Variants in SNPH observed in about 807,000 individuals in gnomAD.
SNPH encodes syntaphilin.
A neutral mutation model predicts 36.8 loss-of-function variants in SNPH; 10 were observed. The ratio of observed to expected loss-of-function variants is 0.27; its 90% CI spans 0.17 to 0.46. The LOEUF (loss-of-function observed/expected upper bound fraction) is 0.46, where lower values mean the gene tolerates loss of function less well. Ranked by LOEUF, SNPH falls within the 20% of genes least tolerant of loss-of-function variation. The probability of loss-of-function intolerance (pLI) is 1.00; values close to 1 mark genes in which losing one functional copy is unlikely to be tolerated. For missense variants in SNPH, 622 were observed against 744.0 expected (o/e 0.84, Z 1.91); for synonymous variants, 281 against 312.2 (o/e 0.90, Z 1.05).
chr20:1,286,960 C>T (rs2088291041), intron 2 of SNPH, among the ~76,000 whole-genome samples: 1 of 152,084 alleles, frequency 6.6e-6, no homozygotes, highest in African/African-American at 2.4e-5. Flanking sequence ...AAGCACAGCA[C>T]ACACAGGGCA....
chr20:1,304,849 G>A lies in SNPH; in HGVS notation c.441-29G>A. On this transcript the variant is annotated intron_variant, in intron 6 of 6. Coordinates refer to ENST00000381867, the MANE Select transcript of SNPH (RefSeq NM_001318234.2). This position sits in a 1 kb window ranked among gnomAD's most constrained non-coding sequence, Gnocchi z 4.3. ...GTGACAGACCAGGCAGGCAGGCAGT[G>A]AGCGTGTGTGTGTCTCCTCGGCTCG... is the stretch of plus-strand genomic sequence containing the variant. 6.3e-7 allele frequency: 1 copy of A among 1,599,160 alleles called. No individual in the cohort carries two copies.
At chr20:1,277,907 G>T (rs1262793957) in intron 2 of SNPH, among the ~76,000 whole-genome samples, 2 of 147,950 alleles carry the variant, frequency 1.4e-5, no homozygotes, top group African/African-American at 5.1e-5. Flanking sequence ...ATGTATCTGT[G>T]TGTGTGTGTG....
In SNPH at chr20:1,303,089, A is replaced by G. The variant is rs1016532738; in HGVS notation, c.441-1789A>G. On this transcript the variant is annotated intron_variant, in intron 6 of 6. Coordinates refer to ENST00000381867, the MANE Select transcript of SNPH (RefSeq NM_001318234.2). ...CTGCCTGTTACTCCCACAGGAACCC[A>G]TTGCAGGTCTTTACATGAAATACTG... is the stretch of plus-strand genomic sequence containing the variant. Among the ~76,000 whole-genome samples, 4 of 152,184 alleles carry G rather than the reference A, an allele frequency of 2.6e-5. No individual in the cohort carries two copies. The East Asian group carries it at 5.8e-4, about 22-fold the overall frequency.
At chr20:1,288,796 A>G (rs569673514) in intron 2 of SNPH, among the ~76,000 whole-genome samples, 1 of 151,844 alleles carries the variant, frequency 6.6e-6, no homozygotes. Context: ...TAATTTTTCT[A>G]TTTTTAATAG....
intron 6 of SNPH, among the ~76,000 whole-genome samples, chr20:1,301,097 G>T (rs1420806718): frequency 2.0e-5 from 3 of 152,216 alleles, no homozygotes; most frequent in Admixed American, 6.5e-5. Flanking sequence ...TCTTTTGGGG[G>T]AGAAACAACT....
chr20:1,271,720 T>C (rs376896527), intron 2 of SNPH, among the ~76,000 whole-genome samples: 5 of 152,230 alleles, frequency 3.3e-5, no homozygotes, highest in Non-Finnish European at 5.9e-5. Flanking sequence ...ACAAATGCTT[T>C]GTGGATTTGC....
intron 2 of SNPH, among the ~76,000 whole-genome samples, chr20:1,281,007 G>A (rs1462691144): frequency 1.3e-5 from 2 of 152,170 alleles, no homozygotes; most frequent in Non-Finnish European, 2.9e-5. Flanking sequence ...GGTGGAGTGG[G>A]GGGTGTGTTT....
intron 2 of SNPH, among the ~76,000 whole-genome samples, chr20:1,280,655 CCCAAGTA>C (rs2088206236): frequency 6.6e-6 from 1 of 152,040 alleles, no homozygotes; most frequent in Non-Finnish European, 1.5e-5. Flanking sequence ...GTGTCCTGGC[CCCAAGTA>C]CCGTGGTCTC....
At chr20:1,297,004 G>GTC (rs2088444438) in intron 4 of SNPH, 141 bp from the exon 5 acceptor site, 15 of 1,401,704 alleles carry the variant, frequency 1.1e-5, no homozygotes, top group Admixed American at 2.9e-5. Flanking sequence ...CTGTCTGTGC[G>GTC]TCTCTCTCTC....
intron 2 of SNPH, among the ~76,000 whole-genome samples, chr20:1,288,385 T>G (rs1350629648): frequency 1.3e-5 from 2 of 151,662 alleles, no homozygotes; most frequent in Non-Finnish European, 2.9e-5. Context: ...CGAACAGAGG[T>G]CAAAGACCCA....
intron 5 of SNPH, among the ~76,000 whole-genome samples, chr20:1,300,137 G>A (rs1480590012): frequency 6.6e-6 from 1 of 152,188 alleles, no homozygotes; most frequent in African/African-American, 2.4e-5. Flanking sequence ...CCTGGGTTCT[G>A]GGGCACACTA....
intron 2 of SNPH, among the ~76,000 whole-genome samples, chr20:1,282,476 G>A (rs1346180769): frequency 6.6e-6 from 1 of 152,186 alleles, no homozygotes; most frequent in African/African-American, 2.4e-5. Flanking sequence ...GGCTATAACT[G>A]TGTAAACATA....
In SNPH at chr20:1,300,784, G is replaced by A. The variant is rs935612538; in HGVS notation, c.440+73G>A. 11 of 1,472,284 alleles carry A rather than the reference G, an allele frequency of 7.5e-6. No individual in the cohort carries two copies. In the African/African-American group the frequency reaches 1.5e-4, roughly 21 times the overall value. The allele number at this position is 1,472,284 out of a possible 1,614,324, so 91.2% of individuals were successfully genotyped here. A position where few individuals can be genotyped will look rare whatever the true frequency, so the allele number is the denominator to read the frequency against. ...CACTCAGGGAAACCAGGGCTCTGGG[G>A]TGCCTCTTGGAGGGAGGAGTGGCTG... On this transcript the variant is annotated intron_variant, in intron 6 of 6. Coordinates refer to ENST00000381867, the MANE Select transcript of SNPH (RefSeq NM_001318234.2).
intron 5 of SNPH, among the ~76,000 whole-genome samples, chr20:1,297,918 G>A (rs191788329): frequency 6.6e-6 from 1 of 152,332 alleles, no homozygotes; most frequent in East Asian, 1.9e-4. Context: ...TGGCAGAGGT[G>A]GAACTGGCTT....
At chr20:1,274,737 A>G (rs548660719) in intron 2 of SNPH, among the ~76,000 whole-genome samples, 1 of 152,312 alleles carries the variant, frequency 6.6e-6, no homozygotes, top group South Asian at 2.1e-4. Context: ...TAGTCTGGCT[A>G]GGCCATCGGT....
chr20:1,267,272 C>A (rs981735517), intron 2 of SNPH, among the ~76,000 whole-genome samples: 4 of 152,080 alleles, frequency 2.6e-5, no homozygotes, highest in Non-Finnish European at 5.9e-5. Flanking sequence ...TCTGAGCCTC[C>A]GTCTCCCCGG....
intron 2 of SNPH, among the ~76,000 whole-genome samples, chr20:1,280,586 G>A (rs1366709641): frequency 2.6e-5 from 4 of 152,220 alleles, no homozygotes; most frequent in African/African-American, 9.6e-5. Context: ...CAGACTGAGG[G>A]ACCCAGAGGT....
chr20:1,303,907 G>A (rs2088535154), intron 6 of SNPH, among the ~76,000 whole-genome samples: 1 of 152,142 alleles, frequency 6.6e-6, no homozygotes. Context: ...CCAGGACAGG[G>A]TTTGACGTCT....
intron 2 of SNPH, among the ~76,000 whole-genome samples, chr20:1,289,512 TACACACACACACACACACAC>T (rs56289024): frequency 0.27 from 36,818 of 137,730 alleles, 4,873 homozygotes; most frequent in Non-Finnish European, 0.3. Context: ...TTCATTTAAA[TACACACACACACACACACAC>T]ACACACACAC....
Sources: allele counts gnomAD v4.1 joint callset (sites outside exome capture counted in the v4.1 genomes callset), GRCh38; gene constraint gnomAD v4.1.1; non-coding constraint Gnocchi (gnomAD v3.1); transcripts MANE v1.5; gene names NCBI Gene and HGNC (gene_info 2026-07-23, HGNC 2026-07-21).